USP2: variants seen among roughly 807,000 people sequenced by gnomAD.
USP2 encodes ubiquitin specific peptidase 2, also known as ubiquitin carboxyl-terminal hydrolase 2.
A neutral mutation model predicts 72.0 loss-of-function variants in USP2; 33 were observed. The ratio of observed to expected loss-of-function variants is 0.46; its 90% CI spans 0.35 to 0.61. The LOEUF is 0.61. Among genes scored for constraint, USP2 ranks in the 20% least tolerant of loss-of-function variants. The probability of loss-of-function intolerance (pLI) is 0.01; values close to 1 mark genes in which losing one functional copy is unlikely to be tolerated. For synonymous variants in USP2, 296 were observed against 312.5 expected (o/e 0.95, Z 0.56); for missense variants, 691 against 797.8 (o/e 0.87, Z 1.61).
chr11:119,374,013 T>C (rs968023346), intron 1 of USP2, among the ~76,000 whole-genome samples: 1 of 152,136 alleles, frequency 6.6e-6, no homozygotes, highest in African/African-American at 2.4e-5. Context: ...CTGTCTGTGC[T>C]GGAATGACCT....
intron 11 of USP2, 66 bp downstream of exon 11, chr11:119,357,417 C>G: frequency 1.9e-6 from 3 of 1,610,932 alleles, no homozygotes; most frequent in Non-Finnish European, 2.5e-6. Flanking sequence ...TCCCCTTCCT[C>G]CTGCCCTCCC....
At chr11:119,380,987 G>T (rs997600413) in intron 1 of USP2, among the ~76,000 whole-genome samples, 3 of 152,192 alleles carry the variant, frequency 2.0e-5, no homozygotes, top group African/African-American at 7.2e-5. Flanking sequence ...CCGCGTGCCT[G>T]CTTCTGGTTT....
At position 119,356,528 on chromosome 11, in the gene USP2, TC is replaced by T. The variant is rs966455594; in HGVS notation, c.*306del. On this transcript the variant is annotated 3_prime_UTR_variant, in exon 13 of 13. Transcript: ENST00000260187. ...GCGGGAAGCGGCGCAGCGAGGGTCT[TC>T]CCCCCCAAGACACAGTTGTTTCTGA... is the stretch of plus-strand genomic sequence containing the variant. The T allele has an allele frequency of 1.4e-5, 4 of 288,480 alleles. No homozygotes were observed. Among genetic ancestry groups the T allele is most frequent in the East Asian group, 5.7e-5 (1 of 17,548 alleles). The allele number at this position is 288,480 out of a possible 1,614,324, so 17.9% of individuals were successfully genotyped here.
intron 2 of USP2, among the ~76,000 whole-genome samples, chr11:119,361,995 G>A (rs1402008765): frequency 2.0e-5 from 3 of 152,156 alleles, no homozygotes; most frequent in African/African-American, 7.2e-5. Flanking sequence ...TTGCGCACTC[G>A]GAACTAAATG....
intron 2 of USP2, among the ~76,000 whole-genome samples, chr11:119,366,702 G>A (rs1950857469): frequency 6.6e-6 from 1 of 152,216 alleles, no homozygotes. Flanking sequence ...CTAAGCCTCA[G>A]AGGGTGGGGT....
chr11:119,362,615 CTT>C (rs976926259), intron 2 of USP2, among the ~76,000 whole-genome samples: 10 of 152,128 alleles, frequency 6.6e-5, no homozygotes, highest in African/African-American at 2.4e-4. Flanking sequence ...AAAGTCAGCA[CTT>C]TTCATTACAG....
intron 2 of USP2, among the ~76,000 whole-genome samples, chr11:119,367,274 A>G (rs1346880289): frequency 6.6e-6 from 1 of 152,108 alleles, no homozygotes; most frequent in Non-Finnish European, 1.5e-5. Flanking sequence ...TCCCTATAGG[A>G]TAAGTAATTT....
intron 2 of USP2, among the ~76,000 whole-genome samples, chr11:119,369,312 C>T (rs1331600145): frequency 2.6e-5 from 4 of 151,980 alleles, no homozygotes; most frequent in Non-Finnish European, 4.4e-5. Context: ...CCCGCCAGCT[C>T]TGTGCTCATG....
At chr11:119,369,628 T>C (rs1490355034) in intron 2 of USP2, among the ~76,000 whole-genome samples, 1 of 152,218 alleles carries the variant, frequency 6.6e-6, no homozygotes, top group Admixed American at 6.5e-5. Context: ...CAGCATTTTA[T>C]TGATTTCACA....
chr11:119,376,116 G>A (rs575403301), intron 1 of USP2: 8 of 930,564 alleles, frequency 8.6e-6, no homozygotes, highest in Admixed American at 1.2e-4. Flanking sequence ...TACTGGGGCC[G>A]GGGCCTTCCA....
intron 2 of USP2, chr11:119,364,195 C>T (rs979329448): frequency 7.2e-4 from 836 of 1,162,020 alleles, no homozygotes; most frequent in Non-Finnish European, 8.6e-4. Context: ...CCGGCTCTCG[C>T]GCTCCGGCCG....
Position 119,356,710 on chromosome 11 carries a change from A to C in USP2, c.*125T>G. ...CAGGCTGCATCCACTCCTGCTCGGC[A>C]GCTTCAGGTTTGTTTTTCTCTTGTC... On this transcript the variant is annotated 3_prime_UTR_variant, in exon 13 of 13. Transcript: ENST00000260187. The C allele has an allele frequency of 1.0e-6, 1 of 994,122 alleles. No individual in the cohort carries two copies. Among genetic ancestry groups the C allele is most frequent in the Admixed American group, 2.8e-5 (1 of 36,164 alleles). 61.6% of individuals were successfully genotyped at this position (994,122 alleles called of 1,614,324 possible). A position where few individuals can be genotyped will look rare whatever the true frequency, so the allele number is the denominator to read the frequency against.
chr11:119,358,955 C>T, intron 6 of USP2, 69 bp downstream of exon 6: 1 of 1,585,172 alleles, frequency 6.3e-7, no homozygotes, highest in Non-Finnish European at 8.7e-7. Flanking sequence ...TCATTAACCC[C>T]AAAGTGGTGG....
At chr11:119,379,013 C>T in intron 1 of USP2, 1 of 985,480 alleles carries the variant, frequency 1.0e-6, no homozygotes, top group Non-Finnish European at 1.2e-6. Context: ...TGACCTGTGT[C>T]CAGGGGCACT....
intron 1 of USP2, among the ~76,000 whole-genome samples, chr11:119,379,721 GTCTA>G (rs1258591678): frequency 1.3e-5 from 2 of 152,096 alleles, no homozygotes; most frequent in African/African-American, 4.8e-5. Flanking sequence ...AATAATAGTG[GTCTA>G]TCTCAGTTGT....
chr11:119,381,439 C>T (rs1221210057), intron 1 of USP2, 34 bp downstream of exon 1: 1 of 1,534,714 alleles, frequency 6.5e-7, no homozygotes, highest in Non-Finnish European at 8.7e-7. Context: ...ATCCCCGAAT[C>T]CCCCCTCCCG....
chr11:119,358,946 C>T, intron 6 of USP2, 78 bp downstream of exon 6: 3 of 1,584,646 alleles, frequency 1.9e-6, no homozygotes, highest in Non-Finnish European at 2.6e-6. Context: ...ATTCCCAAAT[C>T]ATTAACCCCA....
chr11:119,360,107 G>A (rs939283145), intron 3 of USP2, 77 bp downstream of exon 3: 6 of 1,541,508 alleles, frequency 3.9e-6, no homozygotes, highest in Non-Finnish European at 5.3e-6. Flanking sequence ...ACAACCAGAA[G>A]GGGACTCTGG....
In USP2 at chr11:119,356,675, A is replaced by G; in HGVS notation, c.*160T>C. The G allele has an allele frequency of 5.5e-6, 4 of 723,146 alleles. No individual in the cohort carries two copies. Among genetic ancestry groups the G allele is most frequent in the Non-Finnish European group, 8.9e-6 (4 of 449,944 alleles). The allele number at this position is 723,146 out of a possible 1,614,324, so 44.8% of individuals were successfully genotyped here. Reference sequence around the variant, plus strand: ...TCAGGAAAGCCCGGCTCCTTGCTCCAGACCCTGATCAGGCTGCATCCACTC... The same window carrying G: ...TCAGGAAAGCCCGGCTCCTTGCTCCGGACCCTGATCAGGCTGCATCCACTC... On this transcript the variant is annotated 3_prime_UTR_variant, in exon 13 of 13. Coordinates refer to ENST00000260187, the MANE Select transcript of USP2 (RefSeq NM_004205.5).
Sources: allele counts gnomAD v4.1 joint callset (sites outside exome capture counted in the v4.1 genomes callset), GRCh38; gene constraint gnomAD v4.1.1; transcripts MANE v1.5; gene names NCBI Gene and HGNC (gene_info 2026-07-23, HGNC 2026-07-21).